The following SYT1 variants were observed in gnomAD, a reference collection of about 807,000 sequenced individuals.
SYT1 encodes synaptotagmin-1.
SYT1 carries 8 observed loss-of-function variants against 44.8 expected under a neutral mutation model. The observed-to-expected ratio is 0.18, with a 90% CI of 0.10 to 0.32. The LOEUF (loss-of-function observed/expected upper bound fraction) is 0.32, where lower values mean the gene tolerates loss of function less well. Among genes scored for constraint, SYT1 ranks in the 10% least tolerant of loss-of-function variants. The pLI is 1.00. For missense variants in SYT1, 286 were observed against 509.3 expected (o/e 0.56, Z 4.22); for synonymous variants, 154 against 188.8 (o/e 0.82, Z 1.51).
intron 3 of SYT1, among the ~76,000 whole-genome samples, chr12:79,181,919 T>G (rs1872572239): frequency 6.6e-6 from 1 of 152,036 alleles, no homozygotes; most frequent in Non-Finnish European, 1.5e-5. Context: ...CACCCCTACC[T>G]CATCCTCCAT....
chr12:78,885,692 A>G (rs1592525039), intron 1 of SYT1, among the ~76,000 whole-genome samples: 1 of 151,948 alleles, frequency 6.6e-6, no homozygotes, highest in South Asian at 2.1e-4. Flanking sequence ...TTTTTTTCTG[A>G]GAGGGAACAC....
intron 3 of SYT1, among the ~76,000 whole-genome samples, chr12:79,157,191 C>G (rs1250119240): frequency 6.6e-6 from 1 of 152,168 alleles, no homozygotes; most frequent in Non-Finnish European, 1.5e-5. Context: ...GCTTGTCACG[C>G]AAGACAAAGT....
chr12:79,222,706 T>G (rs1875249314), intron 4 of SYT1, among the ~76,000 whole-genome samples: 1 of 152,308 alleles, frequency 6.6e-6, no homozygotes, highest in South Asian at 2.1e-4. Flanking sequence ...CTCCCCACTC[T>G]TTGTCTCTGT....
intron 10 of SYT1, among the ~76,000 whole-genome samples, chr12:79,447,248 A>T (rs1271464163): frequency 2.0e-5 from 3 of 151,042 alleles, no homozygotes; most frequent in African/African-American, 7.3e-5. Flanking sequence ...CAACTTTTCT[A>T]GTCTTCACCT....
At chr12:79,400,436 G>T (rs1885029360) in intron 9 of SYT1, among the ~76,000 whole-genome samples, 1 of 152,144 alleles carries the variant, frequency 6.6e-6, no homozygotes, top group Non-Finnish European at 1.5e-5. Context: ...GGCTTCTACA[G>T]TTATTGATCT....
At chr12:79,054,253 A>T (rs1874760945) in intron 3 of SYT1, among the ~76,000 whole-genome samples, 2 of 151,994 alleles carry the variant, frequency 1.3e-5, no homozygotes, top group Non-Finnish European at 2.9e-5. Context: ...TCACCTTCCT[A>T]TATGAATGTC....
chr12:79,186,872 T>C (rs778959887), intron 3 of SYT1, among the ~76,000 whole-genome samples: 1 of 152,074 alleles, frequency 6.6e-6, no homozygotes, highest in Non-Finnish European at 1.5e-5. Flanking sequence ...TAATTATACT[T>C]AGCAGGCACT....
chr12:78,877,917 C>T (rs1178893262), intron 1 of SYT1, among the ~76,000 whole-genome samples: 1 of 151,824 alleles, frequency 6.6e-6, no homozygotes, highest in Non-Finnish European at 1.5e-5. Context: ...GCATGAGCCA[C>T]CACACCTGTC....
chr12:78,900,853 CTTAA>C (rs1384247123), intron 1 of SYT1, among the ~76,000 whole-genome samples: 3 of 152,014 alleles, frequency 2.0e-5, no homozygotes, highest in Admixed American at 1.3e-4. Flanking sequence ...ATTCTTATTT[CTTAA>C]TTTGAATACT....
chr12:79,034,244 G>A (rs1872988984), intron 2 of SYT1, among the ~76,000 whole-genome samples: 1 of 151,476 alleles, frequency 6.6e-6, no homozygotes, highest in South Asian at 2.1e-4. Context: ...TTAGATAAAT[G>A]ATTTTCAGAA....
chr12:79,433,799 AC>A (rs1374843873), intron 9 of SYT1, among the ~76,000 whole-genome samples: 5 of 152,238 alleles, frequency 3.3e-5, no homozygotes, highest in Non-Finnish European at 5.9e-5. Flanking sequence ...GAAGAATTTC[AC>A]CATAAAATCT....
intron 1 of SYT1, among the ~76,000 whole-genome samples, chr12:78,906,862 C>T (rs957811172): frequency 3.3e-5 from 5 of 152,058 alleles, no homozygotes; most frequent in Non-Finnish European, 5.9e-5. Flanking sequence ...TATTTTAGTG[C>T]CTACTGTGTC....
intron 4 of SYT1, among the ~76,000 whole-genome samples, chr12:79,258,830 C>A (rs780973123): frequency 6.6e-6 from 1 of 152,050 alleles, no homozygotes; most frequent in Non-Finnish European, 1.5e-5. Context: ...TTTTACTTGA[C>A]TTAATTTTAA....
intron 4 of SYT1, among the ~76,000 whole-genome samples, chr12:79,218,779 G>T (rs1874973264): frequency 6.6e-6 from 1 of 152,150 alleles, no homozygotes; most frequent in South Asian, 2.1e-4. Flanking sequence ...AGACACTTGG[G>T]TTGATTCCAT....
chr12:78,925,490 AG>A (rs2137178541), intron 1 of SYT1, among the ~76,000 whole-genome samples: 1 of 151,958 alleles, frequency 6.6e-6, no homozygotes, highest in East Asian at 1.9e-4. Flanking sequence ...TTTTTGTTTT[AG>A]GTTTTTAGTT....
At chr12:79,010,511 G>A (rs913476034) in intron 2 of SYT1, among the ~76,000 whole-genome samples, 1 of 152,072 alleles carries the variant, frequency 6.6e-6, no homozygotes, top group African/African-American at 2.4e-5. Flanking sequence ...AGTGGGGAGA[G>A]GAGGTATCTA....
At chr12:79,019,517 C>T (rs1189130998) in intron 2 of SYT1, among the ~76,000 whole-genome samples, 1 of 151,788 alleles carries the variant, frequency 6.6e-6, no homozygotes, top group Non-Finnish European at 1.5e-5. Flanking sequence ...TTCAGAGTGC[C>T]TACCTACCAC....
intron 9 of SYT1, among the ~76,000 whole-genome samples, chr12:79,410,896 G>A (rs1020574609): frequency 6.6e-6 from 1 of 152,040 alleles, no homozygotes; most frequent in Non-Finnish European, 1.5e-5. Flanking sequence ...AGATGTGAAA[G>A]TGTGGTTTTC....
chr12:78,891,562 C>T (rs1875052499), intron 1 of SYT1, among the ~76,000 whole-genome samples: 1 of 151,864 alleles, frequency 6.6e-6, no homozygotes, highest in Admixed American at 6.6e-5. Context: ...CTAGGTGTTA[C>T]TGAATTTTAA....
Sources: gnomAD v4.1 joint callset for allele counts (sites outside exome capture counted in the v4.1 genomes callset) on GRCh38, gnomAD v4.1.1 for gene constraint, MANE v1.5 for transcripts, NCBI Gene and HGNC (gene_info 2026-07-23, HGNC 2026-07-21) for gene names.